Variants in PRKG2 observed in about 807,000 individuals in gnomAD.
The protein encoded by PRKG2 is cGMP-dependent protein kinase 2.
PRKG2 carries 33 observed loss-of-function variants against 97.2 expected under a neutral mutation model. The observed-to-expected ratio is 0.34, with a 90% confidence interval of 0.26 to 0.45. PRKG2 has a LOEUF of 0.45. PRKG2 is among the 20% of genes least tolerant of loss of function. The pLI is 1.00. For synonymous variants in PRKG2, 330 were observed against 321.8 expected, an observed-to-expected ratio of 1.03 and a Z score of -0.27; for missense variants, 638 against 900.0, an observed-to-expected ratio of 0.71 and a Z score of 3.73.
chr4:81,180,830 CT>C (rs376582817), intron 2 of PRKG2, among the ~76,000 whole-genome samples: 6,314 of 152,024 alleles, frequency 0.042, 177 homozygotes, highest in East Asian at 0.081. Context: ...ACATTCATTA[CT>C]TTTTTTATTA....
chr4:81,212,421 A>G (rs759515031), intron 1 of PRKG2, among the ~76,000 whole-genome samples: 6 of 152,170 alleles, frequency 3.9e-5, no homozygotes, highest in Non-Finnish European at 5.9e-5. Flanking sequence ...TAGGTCTGTA[A>G]GTCTAGGTCA....
intron 13 of PRKG2, among the ~76,000 whole-genome samples, chr4:81,135,886 G>A (rs58173071): frequency 0.039 from 5,900 of 151,644 alleles, 403 homozygotes; most frequent in African/African-American, 0.14. Context: ...GAGAAACATG[G>A]CTTTGGAGTG....
At chr4:81,136,364 G>A (rs1672487874) in intron 13 of PRKG2, among the ~76,000 whole-genome samples, 1 of 152,076 alleles carries the variant, frequency 6.6e-6, no homozygotes, top group African/African-American at 2.4e-5. Context: ...CTGGCATTAG[G>A]GCCCAGCATT....
At chr4:81,192,306 A>G (rs1752606944) in intron 2 of PRKG2, 1 of 152,336 alleles carries the variant, frequency 6.6e-6, no homozygotes, top group South Asian at 2.1e-4. Flanking sequence ...AAAAGGGAAG[A>G]TAATGGGTAG....
At chr4:81,183,924 C>T (rs1033652612) in intron 2 of PRKG2, among the ~76,000 whole-genome samples, 30 of 152,304 alleles carry the variant, frequency 2.0e-4, no homozygotes, top group Admixed American at 1.9e-3. Context: ...AAAGATGCTG[C>T]GGCCTGACTG....
At chr4:81,109,589 C>T (rs962958992) in intron 15 of PRKG2, among the ~76,000 whole-genome samples, 1 of 152,066 alleles carries the variant, frequency 6.6e-6, no homozygotes, top group Non-Finnish European at 1.5e-5. Flanking sequence ...GTAGCTCTCT[C>T]ACCTGGTTTT....
intron 10 of PRKG2, among the ~76,000 whole-genome samples, chr4:81,143,310 A>C (rs918678165): frequency 3.0e-4 from 45 of 152,162 alleles, no homozygotes; most frequent in Non-Finnish European, 6.5e-4. Context: ...CTGTTAAAAA[A>C]CAACCATGAA....
chr4:81,146,945 T>C (rs1747909544), intron 9 of PRKG2, among the ~76,000 whole-genome samples: 1 of 152,160 alleles, frequency 6.6e-6, no homozygotes, highest in Non-Finnish European at 1.5e-5. Context: ...TATGCTGGTG[T>C]AATCTGAACT....
chr4:81,150,971 TA>T (rs1395620059), intron 8 of PRKG2, among the ~76,000 whole-genome samples: 2 of 152,154 alleles, frequency 1.3e-5, no homozygotes. Flanking sequence ...ACATAATAGC[TA>T]AAACTTTATT....
At position 81,095,212 on chromosome 4, in the gene PRKG2, C is replaced by T. The variant is rs111977842; in HGVS notation, c.2127-2760G>A. Among the ~76,000 whole-genome samples the T allele has an allele frequency of 6.1e-3, 933 of 152,290 alleles. 7 individuals are homozygous for T. The highest frequency in any genetic ancestry group is 0.017 in the Middle Eastern group (5 of 294). On this transcript the variant is annotated intron_variant, in intron 17 of 18. Transcript: ENST00000264399. Reference sequence around the variant, plus strand: ...ACACTAGTGCATTCCATTTCAGATGCTATTCTAAACCAAAATATCATTTTG... The same window carrying T: ...ACACTAGTGCATTCCATTTCAGATGTTATTCTAAACCAAAATATCATTTTG...
chr4:81,116,330 C>T (rs185091733), intron 14 of PRKG2, among the ~76,000 whole-genome samples: 13 of 152,260 alleles, frequency 8.5e-5, no homozygotes, highest in African/African-American at 2.9e-4. Flanking sequence ...ATAATGCCCT[C>T]CAGCTCCAAC....
At chr4:81,092,496 G>GGAAGGAAA in intron 17 of PRKG2, 44 bp from the exon 18 acceptor site, 1 of 1,036,534 alleles carries the variant, frequency 9.6e-7, no homozygotes, top group East Asian at 2.4e-5. Context: ...AAGGAAGGAA[G>GGAAGGAAA]GAAGGAAGGA....
At chr4:81,190,185 T>C (rs1428610462) in intron 2 of PRKG2, among the ~76,000 whole-genome samples, 1 of 152,092 alleles carries the variant, frequency 6.6e-6, no homozygotes, top group Non-Finnish European at 1.5e-5. Flanking sequence ...CTATTGGACA[T>C]GGCTATAGTA....
intron 4 of PRKG2, among the ~76,000 whole-genome samples, chr4:81,171,391 A>G (rs983952915): frequency 3.9e-5 from 6 of 151,938 alleles, no homozygotes; most frequent in African/African-American, 1.5e-4. Flanking sequence ...TACATACCAC[A>G]TTTTCTTTAC....
At chr4:81,183,914 A>C (rs1751649644) in intron 2 of PRKG2, among the ~76,000 whole-genome samples, 1 of 152,192 alleles carries the variant, frequency 6.6e-6, no homozygotes, top group Non-Finnish European at 1.5e-5. Flanking sequence ...ACAGCTCTGC[A>C]AAGATGCTGC....
chr4:81,150,212 G>T (rs1680881931), intron 8 of PRKG2, among the ~76,000 whole-genome samples: 1 of 152,104 alleles, frequency 6.6e-6, no homozygotes, highest in Admixed American at 6.6e-5. Flanking sequence ...CTTAGAGAAA[G>T]GAAAGGCATA....
At chr4:81,195,373 CT>C (rs1236139905) in intron 2 of PRKG2, among the ~76,000 whole-genome samples, 3 of 151,918 alleles carry the variant, frequency 2.0e-5, no homozygotes, top group Admixed American at 1.3e-4. Flanking sequence ...AGTGTGTGAA[CT>C]TTTTTTTAAT....
chr4:81,186,780 C>A (rs554620022), intron 2 of PRKG2, among the ~76,000 whole-genome samples: 1 of 151,964 alleles, frequency 6.6e-6, no homozygotes, highest in Non-Finnish European at 1.5e-5. Flanking sequence ...CAATAACAAA[C>A]GATAAAGGGG....
chr4:81,105,262 A>G (rs1743211793), intron 16 of PRKG2, among the ~76,000 whole-genome samples: 1 of 152,062 alleles, frequency 6.6e-6, no homozygotes, highest in African/African-American at 2.4e-5. Flanking sequence ...ATCTTACTGT[A>G]TAATTACCTA....
Sources: gnomAD v4.1 joint callset for allele counts (sites outside exome capture counted in the v4.1 genomes callset) on GRCh38, gnomAD v4.1.1 for gene constraint, MANE v1.5 for transcripts, NCBI Gene and HGNC (gene_info 2026-07-23, HGNC 2026-07-21) for gene names.